Variants in SLC24A2 observed in about 807,000 individuals in gnomAD.
The protein encoded by SLC24A2 is solute carrier family 24 member 2.
SLC24A2 carries 36 observed loss-of-function variants against 62.0 expected under a neutral mutation model. The observed-to-expected ratio is 0.58, with a 90% confidence interval of 0.44 to 0.77. SLC24A2 has a LOEUF of 0.77. SLC24A2 is among the 30% of genes least tolerant of loss of function. The pLI is 0.00. For missense variants in SLC24A2, 846 were observed against 817.9 expected, an observed-to-expected ratio of 1.03 and a Z score of -0.42; for synonymous variants, 358 against 294.0, an observed-to-expected ratio of 1.22 and a Z score of -2.23.
the SLC24A2 span, among the ~76,000 whole-genome samples, chr9:20,122,194 T>C: frequency 1.6e-4 from 25 of 152,342 alleles, no homozygotes; most frequent in Middle Eastern, 3.4e-3. Context: ...TAACCAAGCA[T>C]GGAACCATTC....
chr9:20,151,154 C>T, the SLC24A2 span, among the ~76,000 whole-genome samples: 1 of 151,848 alleles, frequency 6.6e-6, no homozygotes, highest in Non-Finnish European at 1.5e-5. Flanking sequence ...ATAAAACCAC[C>T]CCAAGAAAAT....
chr9:20,199,985 C>T, the SLC24A2 span, among the ~76,000 whole-genome samples: 4 of 151,426 alleles, frequency 2.6e-5, no homozygotes, highest in South Asian at 4.2e-4. Context: ...CCCATCTCGG[C>T]CTCCCAAAGT....
chr9:20,080,370 A>G, the SLC24A2 span, among the ~76,000 whole-genome samples: 12 of 152,368 alleles, frequency 7.9e-5, 1 homozygote, highest in African/African-American at 2.6e-4. Flanking sequence ...AAAAGAAGAA[A>G]TGGGGAAAGG....
chr9:19,543,830 G>A (rs899080197), intron 8 of SLC24A2, among the ~76,000 whole-genome samples: 19 of 152,280 alleles, frequency 1.2e-4, no homozygotes, highest in South Asian at 4.1e-4. Flanking sequence ...TGCATTTGCT[G>A]AGGAGTGTTT....
chr9:19,752,635 A>C (rs1182676), intron 2 of SLC24A2, among the ~76,000 whole-genome samples: 82,830 of 151,724 alleles, frequency 0.55, 23,019 homozygotes, highest in African/African-American at 0.61. Context: ...AAAAAACCTA[A>C]CTCATATGGT....
chr9:20,101,562 C>G, the SLC24A2 span, among the ~76,000 whole-genome samples: 1 of 152,030 alleles, frequency 6.6e-6, no homozygotes. Context: ...TAAAGGCTGC[C>G]CCACCCATAC....
intron 2 of SLC24A2, among the ~76,000 whole-genome samples, chr9:19,723,042 C>T (rs200687362): frequency 1.3e-5 from 2 of 152,056 alleles, no homozygotes; most frequent in Admixed American, 6.6e-5. Flanking sequence ...CCAAAGCAAA[C>T]AGCACATAAA....
At chr9:20,107,654 G>A in the SLC24A2 span, among the ~76,000 whole-genome samples, 1 of 152,162 alleles carries the variant, frequency 6.6e-6, no homozygotes, top group Non-Finnish European at 1.5e-5. Context: ...GGAGAAAGCT[G>A]AAACTGGATC....
chr9:20,147,424 T>C, the SLC24A2 span, among the ~76,000 whole-genome samples: 1 of 152,254 alleles, frequency 6.6e-6, no homozygotes, highest in Middle Eastern at 3.4e-3. Context: ...GGCAACATAA[T>C]TATGCCTTGA....
chr9:19,661,091 C>T (rs758399718), intron 2 of SLC24A2, among the ~76,000 whole-genome samples: 2 of 152,092 alleles, frequency 1.3e-5, no homozygotes, highest in South Asian at 2.1e-4. Context: ...GGATTTATTG[C>T]TTTTTGCTCT....
intron 8 of SLC24A2, among the ~76,000 whole-genome samples, chr9:19,533,471 A>AGAATGTATTGG (rs1258920732): frequency 6.6e-6 from 1 of 152,350 alleles, no homozygotes; most frequent in African/African-American, 2.4e-5. Context: ...TTTGACCAAA[A>AGAATGTATTGG]GAATGTATTG....
At chr9:19,679,001 A>G (rs1202612834) in intron 2 of SLC24A2, among the ~76,000 whole-genome samples, 1 of 152,234 alleles carries the variant, frequency 6.6e-6, no homozygotes, top group Non-Finnish European at 1.5e-5. Flanking sequence ...GAGCTGATGG[A>G]GTTGCAAATG....
the SLC24A2 span, among the ~76,000 whole-genome samples, chr9:20,250,431 G>C: frequency 6.6e-6 from 1 of 152,142 alleles, no homozygotes; most frequent in Non-Finnish European, 1.5e-5. Flanking sequence ...AATGAGCCCC[G>C]GAGTCTTCTT....
the SLC24A2 span, among the ~76,000 whole-genome samples, chr9:20,205,649 TAAAAAAAAAAAAAAA>T: frequency 1.5e-5 from 1 of 65,306 alleles, no homozygotes; most frequent in Non-Finnish European, 2.7e-5. Flanking sequence ...AGACTCCATC[TAAAAAAAAAAAAAAA>T]AAAAAAAAAA....
chr9:19,572,130 G>A (rs538401989), intron 7 of SLC24A2, among the ~76,000 whole-genome samples: 15 of 151,698 alleles, frequency 9.9e-5, no homozygotes, highest in Admixed American at 2.6e-4. Context: ...AAAATTAGCC[G>A]GGTGTGGTGG....
chr9:19,810,128 G>A, the SLC24A2 span, among the ~76,000 whole-genome samples: 4 of 152,154 alleles, frequency 2.6e-5, no homozygotes, highest in Non-Finnish European at 5.9e-5. Flanking sequence ...GAGAGTAAGT[G>A]GTATACTGAA....
intron 2 of SLC24A2, among the ~76,000 whole-genome samples, chr9:19,669,959 A>G (rs189734164): frequency 1.2e-3 from 179 of 152,344 alleles, no homozygotes; most frequent in African/African-American, 4.0e-3. Context: ...AACATCCCAC[A>G]ATTATTGGTC....
Position 19,619,821 on chromosome 9 carries a change from TTTCAAAGCA to T in SLC24A2, c.970-138_970-130del, listed in dbSNP as rs1817867020. Reference sequence around the variant, plus strand: ...GATCACACAGTATTGAGCCAAAGATTTTCAAAGCACATTTCAAAGCCCCTGAGGGAATGG... The same window carrying T: ...GATCACACAGTATTGAGCCAAAGATTCATTTCAAAGCCCCTGAGGGAATGG... On this transcript the variant is annotated intron_variant, in intron 3 of 10. Coordinates refer to ENST00000341998, the MANE Select transcript of SLC24A2 (RefSeq NM_020344.4). 4.0e-6 allele frequency: 3 copies of T among 740,946 alleles called. No homozygotes were observed. In the South Asian group the frequency reaches 4.4e-5, roughly 11 times the overall value. 45.9% of individuals were successfully genotyped at this position (740,946 alleles called of 1,614,324 possible).
chr9:19,542,183 G>A (rs1375834601), intron 8 of SLC24A2, among the ~76,000 whole-genome samples: 1 of 152,160 alleles, frequency 6.6e-6, no homozygotes, highest in East Asian at 1.9e-4. Context: ...GCTCACGCTG[G>A]GAGCTGTAGA....
Sources: gnomAD v4.1 joint callset for allele counts (sites outside exome capture counted in the v4.1 genomes callset) on GRCh38, gnomAD v4.1.1 for gene constraint, MANE v1.5 for transcripts, NCBI Gene and HGNC (gene_info 2026-07-23, HGNC 2026-07-21) for gene names.